PALS1: variants seen among roughly 807,000 people sequenced by gnomAD.
PALS1 encodes the protein protein PALS1.
In PALS1, 31 loss-of-function variants were observed where a neutral mutation model predicts 78.9. That is an observed-to-expected ratio of 0.39 (90% confidence interval 0.30 to 0.53). The LOEUF (loss-of-function observed/expected upper bound fraction) is 0.53. PALS1 is among the 20% of genes least tolerant of loss of function. The pLI is 0.67. For missense variants in PALS1, 704 were observed against 826.5 expected, an observed-to-expected ratio of 0.85 and a Z score of 1.82; for synonymous variants, 276 against 270.9, an observed-to-expected ratio of 1.02 and a Z score of -0.18.
rs370269418 is a variant in PALS1 at position 67,323,613 on chromosome 14, CTA to C, written c.1741-88_1741-87del. The C allele has an allele frequency of 6.3e-3, 1,586 of 251,364 alleles. 3 individuals are homozygous for C. Among genetic ancestry groups the C allele is most frequent in the East Asian group, 0.052 (534 of 10,332 alleles). 15.6% of individuals were successfully genotyped at this position (251,364 alleles called of 1,614,324 possible). A position where few individuals can be genotyped will look rare whatever the true frequency, so the allele number is the denominator to read the frequency against. ...TAGGCAACAGAGCAAGTCCCTTAAT[CTA>C]ATATATATATATATATATATATCAG... On this transcript the variant is annotated intron_variant, in intron 13 of 14. Coordinates refer to ENST00000261681, the MANE Select transcript of PALS1 (RefSeq NM_022474.4).
intron 14 of PALS1, among the ~76,000 whole-genome samples, chr14:67,332,169 G>T (rs1019455558): frequency 3.3e-5 from 5 of 152,266 alleles, no homozygotes; most frequent in Admixed American, 3.3e-4. Flanking sequence ...GAACCCATGT[G>T]CCTGATAATT....
At chr14:67,253,974 TCCATTTTGAGTAATGGATGTCTTTCATG>T (rs2084103983) in intron 1 of PALS1, among the ~76,000 whole-genome samples, 1 of 151,206 alleles carries the variant, frequency 6.6e-6, no homozygotes, top group African/African-American at 2.4e-5. Flanking sequence ...TTTTTTTTTT[TCCATTTTGAGTAATGGATGTCTTTCATG>T]TCTTTTTTGG....
Position 67,335,405 on chromosome 14 carries a change from T to TAATA in PALS1, c.*2450_*2453dup. 6.6e-6 allele frequency: 1 copy of TAATA among 152,362 alleles called. No individual in the cohort carries two copies. The highest frequency in any genetic ancestry group is 1.9e-4 in the East Asian group (1 of 5,184). 9.4% of individuals were successfully genotyped at this position (152,362 alleles called of 1,614,324 possible). A position where few individuals can be genotyped will look rare whatever the true frequency, so the allele number is the denominator to read the frequency against. ...CCAGTGTGGGGGAGGTCTTACCATT[T>TAATA]AATATAGAAATGATATCAATAACTA... On this transcript the variant is annotated 3_prime_UTR_variant, in exon 15 of 15. Coordinates refer to ENST00000261681, the MANE Select transcript of PALS1 (RefSeq NM_022474.4).
At chr14:67,246,626 C>T (rs1268740083) in intron 1 of PALS1, among the ~76,000 whole-genome samples, 1 of 151,286 alleles carries the variant, frequency 6.6e-6, no homozygotes, top group Non-Finnish European at 1.5e-5. Flanking sequence ...CAGGTGTTAG[C>T]CACTGAGCCT....
chr14:67,252,656 G>C (rs1258430093), intron 1 of PALS1, among the ~76,000 whole-genome samples: 1 of 152,180 alleles, frequency 6.6e-6, no homozygotes, highest in African/African-American at 2.4e-5. Context: ...AGGACACCCA[G>C]TCGGTGTCCA....
rs1384700414 is a variant in PALS1 at position 67,335,415 on chromosome 14, A to G, written c.*2459A>G. The stretch of plus-strand genomic sequence containing the variant: ...GGAGGTCTTACCATTTAATATAGAA[A>G]TGATATCAATAACTAATGCTATGTA... On this transcript the variant is annotated 3_prime_UTR_variant, in exon 15 of 15. Coordinates refer to ENST00000261681, the MANE Select transcript of PALS1 (RefSeq NM_022474.4). 6.6e-6 allele frequency: 1 copy of G among 152,242 alleles called. No homozygotes were observed. The highest frequency in any genetic ancestry group is 1.5e-5 in the Non-Finnish European group (1 of 68,032). The allele number at this position is 152,242 out of a possible 1,614,324, so 9.4% of individuals were successfully genotyped here.
At chr14:67,287,070 T>C (rs1348486702) in intron 3 of PALS1, among the ~76,000 whole-genome samples, 4 of 151,810 alleles carry the variant, frequency 2.6e-5, no homozygotes, top group Admixed American at 1.3e-4. Flanking sequence ...ACAAAAAAAT[T>C]AGTTGGGTGT....
chr14:67,268,556 C>T (rs1297325750), intron 1 of PALS1, among the ~76,000 whole-genome samples: 1 of 152,214 alleles, frequency 6.6e-6, no homozygotes, highest in African/African-American at 2.4e-5. Flanking sequence ...ATGGGCAATT[C>T]GCAGAACTGA....
At chr14:67,322,004 G>A (rs2085270278) in intron 13 of PALS1, among the ~76,000 whole-genome samples, 1 of 152,180 alleles carries the variant, frequency 6.6e-6, no homozygotes, top group African/African-American at 2.4e-5. Context: ...TTGGTTGTAT[G>A]AAAATAATGA....
At chr14:67,314,148 T>C (rs917932963) in intron 9 of PALS1, among the ~76,000 whole-genome samples, 6 of 151,902 alleles carry the variant, frequency 3.9e-5, no homozygotes, top group African/African-American at 1.5e-4. Flanking sequence ...AGACTTAGCC[T>C]TACACTGGAT....
At chr14:67,320,870 CATTTTT>C (rs1325092326) in intron 12 of PALS1, among the ~76,000 whole-genome samples, 181 bp from the exon 13 acceptor site, 1 of 152,126 alleles carries the variant, frequency 6.6e-6, no homozygotes, top group Non-Finnish European at 1.5e-5. Flanking sequence ...ACTACAAACT[CATTTTT>C]GTTCATTTTT....
At position 67,334,329 on chromosome 14, in the gene PALS1, A is replaced by AGTCT. The variant is rs947685877; in HGVS notation, c.*1374_*1377dup. The AGTCT allele has an allele frequency of 6.6e-6, 1 of 152,662 alleles. No homozygotes were observed. The highest frequency in any genetic ancestry group is 2.4e-5 in the African/African-American group (1 of 41,470). 9.5% of individuals were successfully genotyped at this position (152,662 alleles called of 1,614,324 possible). Reference sequence around the variant, plus strand: ...TAATTGGCATGGAAACTTAATTTGCAGTCTTTTCAAGCCTTTAGGATAGTG... The same window carrying AGTCT: ...TAATTGGCATGGAAACTTAATTTGCAGTCTGTCTTTTCAAGCCTTTAGGATAGTG... On this transcript the variant is annotated 3_prime_UTR_variant, in exon 15 of 15. Coordinates refer to ENST00000261681, the MANE Select transcript of PALS1 (RefSeq NM_022474.4).
intron 1 of PALS1, 87 bp from the exon 2 acceptor site, chr14:67,269,614 T>G (rs1309831086): frequency 6.6e-6 from 1 of 152,634 alleles, no homozygotes; most frequent in African/African-American, 2.4e-5. Flanking sequence ...GTTATCATAT[T>G]GAATTAGTCT....
chr14:67,290,086 A>G (rs1174286601), intron 3 of PALS1, among the ~76,000 whole-genome samples: 1 of 151,628 alleles, frequency 6.6e-6, no homozygotes, highest in African/African-American at 2.4e-5. Context: ...TGTCTTTTTT[A>G]TACTGTCTTT....
chr14:67,257,633 A>C (rs2084165691), intron 1 of PALS1, among the ~76,000 whole-genome samples: 1 of 152,210 alleles, frequency 6.6e-6, no homozygotes, highest in Non-Finnish European at 1.5e-5. Flanking sequence ...GTATACATAG[A>C]ACATACACAC....
At chr14:67,288,083 C>CT (rs926064439) in intron 3 of PALS1, among the ~76,000 whole-genome samples, 40 of 151,008 alleles carry the variant, frequency 2.6e-4, no homozygotes, top group African/African-American at 8.0e-4. Flanking sequence ...TGGGGTCTCC[C>CT]TTTTTTTTTC....
In PALS1 at chr14:67,304,905, A is replaced by C. The variant is rs1778782073; in HGVS notation, c.1041+1306A>C. Among the ~76,000 whole-genome samples the C allele has an allele frequency of 2.0e-5, 3 of 152,320 alleles. No individual in the cohort carries two copies. The South Asian group carries it at 6.2e-4, about 32-fold the overall frequency. On this transcript the variant is annotated intron_variant, in intron 8 of 14. Transcript: ENST00000261681. ...AGCATAGCAGTTTGAGAAAGAACACAGTTTCATTTTTCTCTCAATATTTCA... is the reference window on the plus strand; with the variant it reads ...AGCATAGCAGTTTGAGAAAGAACACCGTTTCATTTTTCTCTCAATATTTCA...
intron 8 of PALS1, among the ~76,000 whole-genome samples, chr14:67,306,567 C>T (rs1201447607): frequency 6.6e-6 from 1 of 151,590 alleles, no homozygotes; most frequent in South Asian, 2.1e-4. Context: ...CAGAGTTTCA[C>T]CATGTTGGCC....
chr14:67,295,711 G>A (rs1479491172), intron 4 of PALS1, among the ~76,000 whole-genome samples: 1 of 152,158 alleles, frequency 6.6e-6, no homozygotes, highest in African/African-American at 2.4e-5. Flanking sequence ...AAGACTGTCA[G>A]TATTGTTTGT....
Sources: gnomAD v4.1 joint callset for allele counts (sites outside exome capture counted in the v4.1 genomes callset) on GRCh38, gnomAD v4.1.1 for gene constraint, MANE v1.5 for transcripts, NCBI Gene and HGNC (gene_info 2026-07-23, HGNC 2026-07-21) for gene names.